Variants in KCNIP1 observed in about 807,000 individuals in gnomAD.
KCNIP1 encodes potassium voltage-gated channel interacting protein 1.
KCNIP1 carries 18 observed loss-of-function variants against 33.0 expected under a neutral mutation model. That is an observed-to-expected ratio of 0.55 (90% confidence interval 0.38 to 0.81). The LOEUF (loss-of-function observed/expected upper bound fraction) is 0.81. Among genes scored for constraint, KCNIP1 ranks in the 30% least tolerant of loss-of-function variants. KCNIP1 has a pLI of 0.00. For synonymous variants in KCNIP1, 93 were observed against 98.3 expected (o/e 0.95, Z 0.32); for missense variants, 238 against 271.6 (o/e 0.88, Z 0.87).
chr5:170,573,526 C>T (rs1337257930), intron 1 of KCNIP1, among the ~76,000 whole-genome samples: 1 of 152,038 alleles, frequency 6.6e-6, no homozygotes. Context: ...TTTTAATCAC[C>T]TTATAACCAT....
intron 1 of KCNIP1, among the ~76,000 whole-genome samples, chr5:170,591,184 T>A (rs1488637582): frequency 6.6e-6 from 1 of 152,298 alleles, no homozygotes; most frequent in Non-Finnish European, 1.5e-5. Flanking sequence ...ATGCGAACAA[T>A]CCAGGCTCAC....
At chr5:170,456,560 C>T (rs1756380339) in intron 1 of KCNIP1, among the ~76,000 whole-genome samples, 1 of 151,694 alleles carries the variant, frequency 6.6e-6, no homozygotes. Context: ...CAAACTAATC[C>T]TAAAGCAAGC....
intron 1 of KCNIP1, among the ~76,000 whole-genome samples, chr5:170,565,314 A>G (rs906837376): frequency 2.6e-5 from 4 of 152,158 alleles, no homozygotes; most frequent in Admixed American, 1.3e-4. Flanking sequence ...ACCTCTCCCC[A>G]TGGAGTCACC....
intron 1 of KCNIP1, among the ~76,000 whole-genome samples, chr5:170,598,988 G>A (rs892079818): frequency 6.6e-6 from 1 of 151,624 alleles, no homozygotes; most frequent in African/African-American, 2.4e-5. Flanking sequence ...AGGGCAGAGA[G>A]CCAAAGACTG....
intron 1 of KCNIP1, among the ~76,000 whole-genome samples, chr5:170,527,502 G>A (rs377423355): frequency 1.1e-4 from 17 of 152,108 alleles, no homozygotes; most frequent in South Asian, 8.3e-4. Flanking sequence ...TTCAGGGCCT[G>A]CGAACGGCAA....
intron 1 of KCNIP1, chr5:170,486,180 C>T (rs1757090895): frequency 6.6e-6 from 1 of 152,194 alleles, no homozygotes; most frequent in African/African-American, 2.4e-5. Flanking sequence ...TCCCTGGTGA[C>T]AGGTGTTCTG....
intron 1 of KCNIP1, among the ~76,000 whole-genome samples, chr5:170,595,614 G>A (rs1250670129): frequency 1.3e-5 from 2 of 152,188 alleles, no homozygotes; most frequent in Non-Finnish European, 2.9e-5. Flanking sequence ...GGAAGAAGGG[G>A]CAAGGAGAAA....
At chr5:170,609,808 A>G (rs1357819756) in intron 1 of KCNIP1, among the ~76,000 whole-genome samples, 1 of 152,144 alleles carries the variant, frequency 6.6e-6, no homozygotes, top group Non-Finnish European at 1.5e-5. Flanking sequence ...AGTGAGCTAT[A>G]ATCACACCAC....
intron 1 of KCNIP1, among the ~76,000 whole-genome samples, chr5:170,659,168 T>A (rs1046872092): frequency 6.6e-6 from 1 of 151,560 alleles, no homozygotes; most frequent in Non-Finnish European, 1.5e-5. Context: ...CTTTTTTTTT[T>A]AATCCAAAGT....
At chr5:170,697,388 A>G (rs149827473) in intron 1 of KCNIP1, among the ~76,000 whole-genome samples, 12 of 152,350 alleles carry the variant, frequency 7.9e-5, no homozygotes, top group South Asian at 4.1e-4. Context: ...ACTGCCTGCC[A>G]AAGTGCCTTG....
chr5:170,372,442 C>T (rs1176121305), intron 1 of KCNIP1, among the ~76,000 whole-genome samples: 1 of 152,144 alleles, frequency 6.6e-6, no homozygotes, highest in Non-Finnish European at 1.5e-5. Flanking sequence ...TGATTAAACT[C>T]AACCTCCAGC....
intron 1 of KCNIP1, among the ~76,000 whole-genome samples, chr5:170,455,698 G>C (rs1413048924): frequency 6.6e-6 from 1 of 152,162 alleles, no homozygotes; most frequent in Non-Finnish European, 1.5e-5. Context: ...TAACCAATTG[G>C]TTGAAGAAGA....
intron 1 of KCNIP1, among the ~76,000 whole-genome samples, chr5:170,608,419 C>A (rs1486948051): frequency 6.6e-6 from 1 of 152,204 alleles, no homozygotes; most frequent in Non-Finnish European, 1.5e-5. Context: ...TCAGTTTACT[C>A]ACCCATAAAA....
chr5:170,378,755 G>A (rs763259592), intron 1 of KCNIP1: 8 of 1,614,060 alleles, frequency 5.0e-6, no homozygotes, highest in African/African-American at 2.7e-5. Flanking sequence ...TCACCATGGC[G>A]ATAATGAGGA....
intron 1 of KCNIP1, among the ~76,000 whole-genome samples, chr5:170,514,210 T>C (rs543390580): frequency 2.6e-5 from 4 of 152,326 alleles, no homozygotes; most frequent in African/African-American, 9.6e-5. Context: ...ATGCCAACCC[T>C]GGACCCAGAG....
At chr5:170,710,484 C>T (rs970231306) in intron 1 of KCNIP1, among the ~76,000 whole-genome samples, 6 of 152,068 alleles carry the variant, frequency 3.9e-5, no homozygotes, top group Admixed American at 2.0e-4. Flanking sequence ...TATTTTTTCT[C>T]TTAGTCTTGT....
intron 1 of KCNIP1, among the ~76,000 whole-genome samples, chr5:170,689,235 C>G (rs1266818697): frequency 6.6e-6 from 1 of 152,188 alleles, no homozygotes; most frequent in African/African-American, 2.4e-5. Context: ...GACTCTAGAA[C>G]AGATGCTGGA....
At chr5:170,390,517 A>AAAAAATAT in intron 1 of KCNIP1, among the ~76,000 whole-genome samples, 10 of 74,542 alleles carry the variant, frequency 1.3e-4, no homozygotes, top group South Asian at 1.3e-3. Flanking sequence ...AAAAAAAACA[A>AAAAAATAT]ATATATATAT....
rs114825839 is a variant in KCNIP1 at position 170,360,400 on chromosome 5, G to A, written c.88+6436G>A. Among the ~76,000 whole-genome samples, 361 of 152,320 alleles carry A rather than the reference G, an allele frequency of 2.4e-3. 6 individuals carry two copies. Among genetic ancestry groups the A allele is most frequent in the African/African-American group, 8.3e-3 (345 of 41,582 alleles). On this transcript the variant is annotated intron_variant, in intron 1 of 7. Coordinates refer to the KCNIP1 transcript ENST00000377360. ...CCCCATCTTGAGTCTGTGTCCTTCCGTAAATGGGCCAGTAATTTCCATCTC... is the reference window on the plus strand; with the variant it reads ...CCCCATCTTGAGTCTGTGTCCTTCCATAAATGGGCCAGTAATTTCCATCTC...
Sources: allele counts gnomAD v4.1 joint callset (sites outside exome capture counted in the v4.1 genomes callset), GRCh38; gene constraint gnomAD v4.1.1; transcripts MANE v1.5; gene names NCBI Gene and HGNC (gene_info 2026-07-23, HGNC 2026-07-21).